NLK: variants seen among roughly 807,000 people sequenced by gnomAD.
The protein encoded by NLK is serine/threonine-protein kinase NLK.
In NLK, 11 loss-of-function variants were observed where a neutral mutation model predicts 59.0. The ratio of observed to expected loss-of-function variants is 0.19; its 90% CI spans 0.12 to 0.31. The LOEUF (loss-of-function observed/expected upper bound fraction) is 0.31, where lower values mean the gene tolerates loss of function less well. Among genes scored for constraint, NLK ranks in the 10% least tolerant of loss-of-function variants. The probability of loss-of-function intolerance (pLI) is 1.00; values close to 1 mark genes in which losing one functional copy is unlikely to be tolerated. For synonymous variants in NLK, 235 were observed against 235.9 expected, an observed-to-expected ratio of 1.00 and a Z score of 0.03; for missense variants, 410 against 661.1, an observed-to-expected ratio of 0.62 and a Z score of 4.16.
chr17:28,188,485 GGT>G (rs1909198529), intron 8 of NLK, among the ~76,000 whole-genome samples: 1 of 152,046 alleles, frequency 6.6e-6, no homozygotes, highest in African/African-American at 2.4e-5. Context: ...AAAGAAATGA[GGT>G]GTGTTTGTGT....
At chr17:28,189,400 A>C (rs1053488184) in intron 8 of NLK, among the ~76,000 whole-genome samples, 1 of 152,168 alleles carries the variant, frequency 6.6e-6, no homozygotes, top group East Asian at 1.9e-4. Flanking sequence ...CAGGTAACTG[A>C]TTTTTTTAAA....
intron 1 of NLK, among the ~76,000 whole-genome samples, chr17:28,108,417 A>G (rs182901687): frequency 6.6e-6 from 1 of 152,322 alleles, no homozygotes; most frequent in African/African-American, 2.4e-5. Context: ...TAAAAAAAAC[A>G]AGGTACAGAT....
At chr17:28,118,138 A>C (rs1034948999) in intron 1 of NLK, among the ~76,000 whole-genome samples, 1 of 152,188 alleles carries the variant, frequency 6.6e-6, no homozygotes, top group African/African-American at 2.4e-5. Context: ...AGGCAATCTA[A>C]ATACAAGTAA....
chr17:28,108,394 A>C (rs370710965), intron 1 of NLK, among the ~76,000 whole-genome samples: 2 of 152,200 alleles, frequency 1.3e-5, no homozygotes, highest in African/African-American at 4.8e-5. Flanking sequence ...AATGTTAGCT[A>C]TTATATAAAA....
chr17:28,189,228 A>G (rs1444616677), intron 8 of NLK, among the ~76,000 whole-genome samples: 5 of 152,206 alleles, frequency 3.3e-5, no homozygotes, highest in Non-Finnish European at 5.9e-5. Flanking sequence ...AGGGTAATAA[A>G]ATGGCACATC....
chr17:28,086,916 C>T (rs1051683755), intron 1 of NLK, among the ~76,000 whole-genome samples: 2 of 151,276 alleles, frequency 1.3e-5, no homozygotes, highest in East Asian at 1.9e-4. Flanking sequence ...GTTGTGGTGG[C>T]GTGCACCTGT....
intron 8 of NLK, among the ~76,000 whole-genome samples, chr17:28,187,793 A>C (rs1909172060): frequency 6.6e-6 from 1 of 152,194 alleles, no homozygotes; most frequent in Non-Finnish European, 1.5e-5. Flanking sequence ...ATTAAATGAA[A>C]TTTGTGGTGT....
intron 1 of NLK, among the ~76,000 whole-genome samples, chr17:28,114,943 A>C (rs1905697934): frequency 6.6e-6 from 1 of 152,338 alleles, no homozygotes; most frequent in Non-Finnish European, 1.5e-5. Context: ...AAACACTAAG[A>C]TATCACAAAA....
intron 1 of NLK, among the ~76,000 whole-genome samples, chr17:28,055,706 T>A (rs1909418269): frequency 6.6e-6 from 1 of 152,194 alleles, no homozygotes; most frequent in Non-Finnish European, 1.5e-5. Context: ...TGGCATTATG[T>A]AAATGTTAGC....
chr17:28,059,690 G>A (rs1449556611), intron 1 of NLK, among the ~76,000 whole-genome samples: 2 of 152,126 alleles, frequency 1.3e-5, no homozygotes, highest in Non-Finnish European at 2.9e-5. Context: ...ACAAAGAATG[G>A]TTTATTCCAG....
intron 3 of NLK, among the ~76,000 whole-genome samples, chr17:28,153,291 C>T (rs1473879698): frequency 6.6e-6 from 1 of 150,866 alleles, no homozygotes; most frequent in Non-Finnish European, 1.5e-5. Flanking sequence ...AAAAAAAAAG[C>T]TCAAGTTGAC....
At chr17:28,072,915 C>A (rs1397943725) in intron 1 of NLK, among the ~76,000 whole-genome samples, 1 of 152,104 alleles carries the variant, frequency 6.6e-6, no homozygotes, top group Non-Finnish European at 1.5e-5. Flanking sequence ...TGGTCTAATA[C>A]ATTGGCTCTT....
At chr17:28,179,556 G>A (rs1297512083) in intron 7 of NLK, among the ~76,000 whole-genome samples, 1 of 151,500 alleles carries the variant, frequency 6.6e-6, no homozygotes, top group Non-Finnish European at 1.5e-5. Context: ...CATGGTGAAA[G>A]CCTGTCTCTA....
At chr17:28,189,774 T>A (rs1274581914) in intron 8 of NLK, among the ~76,000 whole-genome samples, 1 of 152,080 alleles carries the variant, frequency 6.6e-6, no homozygotes, top group African/African-American at 2.4e-5. Flanking sequence ...GTTTACTTGC[T>A]AAGAATGCAG....
chr17:28,092,600 CTGTT>C (rs897138184), intron 1 of NLK, among the ~76,000 whole-genome samples: 2 of 152,098 alleles, frequency 1.3e-5, no homozygotes, highest in African/African-American at 4.8e-5. Context: ...AACTGTGTAA[CTGTT>C]TGTTTTCTAA....
chr17:28,072,466 C>G (rs1169533649), intron 1 of NLK, among the ~76,000 whole-genome samples: 2 of 151,914 alleles, frequency 1.3e-5, no homozygotes, highest in Non-Finnish European at 2.9e-5. Flanking sequence ...GCTGGGACCA[C>G]AGTCACATGC....
intron 3 of NLK, among the ~76,000 whole-genome samples, chr17:28,140,236 AT>A (rs912471063): frequency 5.3e-5 from 8 of 152,164 alleles, no homozygotes; most frequent in African/African-American, 1.9e-4. Context: ...TTCAGTTGAC[AT>A]TGGGCCCCAA....
chr17:28,169,237 A>C lies in NLK; in HGVS notation c.1047+580A>C, dbSNP rs34954537. ...CATAGCTGTGAGCTCTGCTATGACA[A>C]TTTGCACAGGTATAATCTTCAGTTG... On this transcript the variant is annotated intron_variant, in intron 6 of 10. Coordinates refer to ENST00000407008, the MANE Select transcript of NLK (RefSeq NM_016231.5). Among the ~76,000 whole-genome samples the C allele has an allele frequency of 5.7e-3, 866 of 152,280 alleles. 10 individuals are homozygous for C. The highest frequency in any genetic ancestry group is 0.02 in the African/African-American group (825 of 41,544).
At chr17:28,169,346 G>A (rs1388455423) in intron 6 of NLK, among the ~76,000 whole-genome samples, 1 of 152,188 alleles carries the variant, frequency 6.6e-6, no homozygotes, top group Non-Finnish European at 1.5e-5. Context: ...TTTGTGCTTA[G>A]AATATAAATT....
Sources: gnomAD v4.1 joint callset for allele counts (sites outside exome capture counted in the v4.1 genomes callset) on GRCh38, gnomAD v4.1.1 for gene constraint, MANE v1.5 for transcripts, NCBI Gene and HGNC (gene_info 2026-07-23, HGNC 2026-07-21) for gene names.